Variants in LUZP2 observed in about 807,000 individuals in gnomAD.
LUZP2 encodes leucine zipper protein 2.
In LUZP2, 52 loss-of-function variants were observed where a neutral mutation model predicts 51.6. That is an observed-to-expected ratio of 1.01 (90% CI 0.81 to 1.27). The LOEUF is 1.27. Ranked by LOEUF, LUZP2 falls within the 50% of genes most tolerant of loss-of-function variation. The pLI is 0.00. For missense variants in LUZP2, 436 were observed against 395.4 expected (o/e 1.10, Z -0.87); for synonymous variants, 154 against 137.3 (o/e 1.12, Z -0.85).
intron 1 of LUZP2, among the ~76,000 whole-genome samples, chr11:24,614,966 C>T (rs956084736): frequency 6.6e-6 from 1 of 151,888 alleles, no homozygotes; most frequent in Admixed American, 6.6e-5. Flanking sequence ...TGTTAAACCT[C>T]TTCCAGGTTC....
intron 7 of LUZP2, among the ~76,000 whole-genome samples, chr11:24,919,725 TGA>T (rs1853965725): frequency 6.7e-6 from 1 of 150,118 alleles, no homozygotes; most frequent in Non-Finnish European, 1.5e-5. Flanking sequence ...ATTTTTAACT[TGA>T]GTTATAGTTT....
intron 7 of LUZP2, among the ~76,000 whole-genome samples, chr11:24,950,700 A>G (rs1305281973): frequency 6.6e-6 from 1 of 151,578 alleles, no homozygotes. Context: ...TACCCCAAAG[A>G]AAAAAAGCAC....
chr11:24,890,374 C>T (rs910283201), intron 5 of LUZP2, among the ~76,000 whole-genome samples: 1 of 152,116 alleles, frequency 6.6e-6, no homozygotes, highest in Non-Finnish European at 1.5e-5. Context: ...TCTAGCAGAT[C>T]CTTTAAAAAA....
rs746836828 is a variant in LUZP2 at position 25,081,967 on chromosome 11, G to T, written c.*3309G>T. The T allele has an allele frequency of 2.6e-5, 4 of 152,052 alleles. No individual in the cohort carries two copies. Among genetic ancestry groups the T allele is most frequent in the Non-Finnish European group, 4.4e-5 (3 of 67,966 alleles). The allele number at this position is 152,052 out of a possible 1,614,324, so 9.4% of individuals were successfully genotyped here. On this transcript the variant is annotated 3_prime_UTR_variant, in exon 12 of 12. Transcript: ENST00000336930. ...ATTTGATGTATATGTTTCTAAATTA[G>T]AAATTTCTTTTGGCTTTGTGTTTTT... is the stretch of plus-strand genomic sequence containing the variant.
chr11:25,029,913 T>C (rs563792013), intron 9 of LUZP2, among the ~76,000 whole-genome samples: 1 of 139,650 alleles, frequency 7.2e-6, no homozygotes, highest in African/African-American at 2.8e-5. Flanking sequence ...TCAATAGATA[T>C]ATTTTGTAAC....
chr11:24,518,227 T>C (rs61690067), intron 1 of LUZP2, among the ~76,000 whole-genome samples: 15,889 of 152,246 alleles, frequency 0.1, 1,301 homozygotes, highest in African/African-American at 0.23. Flanking sequence ...TATTTAAAGC[T>C]TAGCTAAGTT....
intron 5 of LUZP2, chr11:24,890,868 G>A: frequency 2.1e-6 from 2 of 955,450 alleles, no homozygotes; most frequent in Non-Finnish European, 2.5e-6. Flanking sequence ...AGCATTTTAG[G>A]GCCATTTACA....
intron 5 of LUZP2, among the ~76,000 whole-genome samples, chr11:24,905,302 G>A (rs994302314): frequency 6.6e-6 from 1 of 152,134 alleles, no homozygotes; most frequent in Non-Finnish European, 1.5e-5. Context: ...GAGGCAGGCC[G>A]ATCACCTGAG....
chr11:24,664,526 C>A (rs914691851), intron 1 of LUZP2, among the ~76,000 whole-genome samples: 2 of 152,036 alleles, frequency 1.3e-5, no homozygotes, highest in Non-Finnish European at 2.9e-5. Context: ...ACCTTCATGG[C>A]AGCACCCTCC....
At chr11:24,574,315 TC>T (rs1852563555) in intron 1 of LUZP2, among the ~76,000 whole-genome samples, 1 of 1,036 alleles carries the variant, frequency 9.7e-4, no homozygotes, top group African/African-American at 2.1e-3. Context: ...TTCTTTTCCC[TC>T]CCTCCCTCCC....
intron 3 of LUZP2, among the ~76,000 whole-genome samples, chr11:24,735,320 G>C (rs1452038416): frequency 6.6e-6 from 1 of 151,854 alleles, no homozygotes; most frequent in African/African-American, 2.4e-5. Flanking sequence ...TGAATGGAGA[G>C]ATTTTAAACC....
intron 1 of LUZP2, chr11:24,701,480 C>T (rs1178896297): frequency 6.1e-6 from 1 of 164,826 alleles, no homozygotes; most frequent in Non-Finnish European, 1.5e-5. Context: ...GGCTAAGAAA[C>T]TAAAAACGAT....
intron 1 of LUZP2, among the ~76,000 whole-genome samples, chr11:24,706,507 C>A (rs1857587362): frequency 6.6e-6 from 1 of 152,100 alleles, no homozygotes. Flanking sequence ...CTGCATTCTG[C>A]CCTTGTTTCC....
intron 1 of LUZP2, among the ~76,000 whole-genome samples, chr11:24,721,164 G>C (rs895294430): frequency 6.6e-6 from 1 of 152,194 alleles, no homozygotes. Flanking sequence ...GAATGACACA[G>C]GGATTTCTAT....
intron 1 of LUZP2, among the ~76,000 whole-genome samples, chr11:24,505,755 A>G (rs529718979): frequency 1.3e-5 from 2 of 152,202 alleles, no homozygotes; most frequent in Admixed American, 6.5e-5. Flanking sequence ...GTGGAAGCCA[A>G]TTCTCTATTA....
chr11:24,926,304 C>CGT (rs1344986132), intron 7 of LUZP2, among the ~76,000 whole-genome samples: 5 of 39,188 alleles, frequency 1.3e-4, no homozygotes, highest in Admixed American at 2.8e-4. Context: ...TATATATATA[C>CGT]GTGTGTATAT....
At chr11:24,764,490 T>TAAAAAAAAAAAAAAAAAAAA (rs869045272) in intron 5 of LUZP2, among the ~76,000 whole-genome samples, 145 of 94,030 alleles carry the variant, frequency 1.5e-3, no homozygotes, top group Non-Finnish European at 2.0e-3. Context: ...ATCTCATCTC[T>TAAAAAAAAAAAAAAAAAAAA]AAAAAAAAAA....
At chr11:24,863,428 C>T (rs147404663) in intron 5 of LUZP2, among the ~76,000 whole-genome samples, 1 of 152,088 alleles carries the variant, frequency 6.6e-6, no homozygotes, top group East Asian at 1.9e-4. Context: ...AAACATGATC[C>T]AAGTGAAAGA....
At chr11:24,638,748 G>A (rs1018469951) in intron 1 of LUZP2, among the ~76,000 whole-genome samples, 5 of 151,442 alleles carry the variant, frequency 3.3e-5, no homozygotes, top group Non-Finnish European at 7.4e-5. Context: ...AATAGGAACT[G>A]ATTGTTTAAA....
Sources: allele counts gnomAD v4.1 joint callset (sites outside exome capture counted in the v4.1 genomes callset), GRCh38; gene constraint gnomAD v4.1.1; transcripts MANE v1.5; gene names NCBI Gene and HGNC (gene_info 2026-07-23, HGNC 2026-07-21).